The following CYP11B1 variants were observed in gnomAD, a reference collection of about 807,000 sequenced individuals.
CYP11B1 encodes the protein cytochrome P450 family 11 subfamily B member 1, also known as cytochrome P450 11B1, mitochondrial.
CYP11B1 carries 34 observed loss-of-function variants against 48.3 expected under a neutral mutation model. That is an observed-to-expected ratio of 0.70 (90% CI 0.54 to 0.94). The LOEUF (loss-of-function observed/expected upper bound fraction) is 0.94, where lower values mean the gene tolerates loss of function less well. Ranked by LOEUF, CYP11B1 falls within the 40% of genes least tolerant of loss-of-function variation. The pLI is 0.00. For missense variants in CYP11B1, 688 were observed against 657.4 expected (o/e 1.05, Z -0.51); for synonymous variants, 291 against 262.5 (o/e 1.11, Z -1.05).
At chr8:142,877,920 A>G (rs76968864) in intron 2 of CYP11B1, 45 of 1,104,128 alleles carry the variant, frequency 4.1e-5, no homozygotes, top group Middle Eastern at 2.0e-4. Flanking sequence ...ACATGCTCAC[A>G]TGCGCCCATG....
chr8:142,875,387 G>T, intron 6 of CYP11B1, 75 bp from the exon 7 acceptor site: 1 of 1,463,170 alleles, frequency 6.8e-7, no homozygotes, highest in Non-Finnish European at 9.3e-7. Flanking sequence ...CCTTCCTACC[G>T]AAGAACCCGC....
chr8:142,876,092 C>G, intron 5 of CYP11B1, 149 bp downstream of exon 5: 1 of 1,250,900 alleles, frequency 8.0e-7, no homozygotes, highest in Non-Finnish European at 1.1e-6. Context: ...AACCTGCAAA[C>G]GTGTTTATCA....
rs377587479 is a variant in CYP11B1 at position 142,874,771 on chromosome 8, C to T, written c.1398+186G>A. Reference sequence around the variant, plus strand: ...CTCACCCAGATGGTACGCTCCTCACCATACCAACTCCTGCCCAGGACCTAC... The same window carrying T: ...CTCACCCAGATGGTACGCTCCTCACTATACCAACTCCTGCCCAGGACCTAC... On this transcript the variant is annotated intron_variant, in intron 8 of 8. Transcript: ENST00000292427. Among the ~76,000 whole-genome samples, 283 of 152,218 alleles carry T rather than the reference C, an allele frequency of 1.9e-3. 4 individuals are homozygous for T. The highest frequency in any genetic ancestry group is 0.014 in the South Asian group (69 of 4,814).
rs766269279 is a variant in CYP11B1, at chr8:142,874,492, A to G, written c.1399-6T>C. The G allele has an allele frequency of 6.2e-7, 1 of 1,601,172 alleles. No homozygotes were observed. Among genetic ancestry groups the G allele is most frequent in the East Asian group, 2.2e-5 (1 of 44,802 alleles). ...ACCTGGAGGTGTTTCAGCACCTAGG[A>G]CAGAAGCCGGGTTTCCATCTGGCTT... On this transcript the variant is annotated splice_polypyrimidine_tract_variant and splice_region_variant and intron_variant, in intron 8 of 8. Coordinates refer to ENST00000292427, the MANE Select transcript of CYP11B1 (RefSeq NM_000497.4).
rs1586555679 is a variant in CYP11B1, at chr8:142,873,430, G to T, written c.*943C>A. ...TAGGAGCAGATGAGGCCCAAGGCAG[G>T]TTCACGCAGGAAACTGCAGCCTCCC... is the stretch of plus-strand genomic sequence containing the variant. On this transcript the variant is annotated 3_prime_UTR_variant, in exon 9 of 9. Coordinates refer to ENST00000292427, the MANE Select transcript of CYP11B1 (RefSeq NM_000497.4). The T allele has an allele frequency of 6.6e-6, 1 of 152,262 alleles. No homozygotes were observed. Among genetic ancestry groups the T allele is most frequent in the Non-Finnish European group, 1.5e-5 (1 of 68,084 alleles). 9.4% of individuals were successfully genotyped at this position (152,262 alleles called of 1,614,324 possible). A position where few individuals can be genotyped will look rare whatever the true frequency, so the allele number is the denominator to read the frequency against.
At chr8:142,877,482 C>T (rs1379799991) in intron 2 of CYP11B1, among the ~76,000 whole-genome samples, 2 of 152,210 alleles carry the variant, frequency 1.3e-5, no homozygotes, top group East Asian at 1.9e-4. Flanking sequence ...TGAGGTCATT[C>T]CCGGGACCTG....
At chr8:142,874,912 TGCCCAGACCCC>T (rs763645256) in intron 8 of CYP11B1, 34 bp downstream of exon 8, 1 of 1,607,610 alleles carries the variant, frequency 6.2e-7, no homozygotes, top group East Asian at 2.2e-5. Context: ...CCGCCCATGC[TGCCCAGACCCC>T]GCCCAGGCCC....
At chr8:142,874,931 C>G in intron 8 of CYP11B1, 26 bp downstream of exon 8, 1 of 1,611,262 alleles carries the variant, frequency 6.2e-7, no homozygotes, top group Middle Eastern at 2.1e-4. Flanking sequence ...CCCGCCCAGG[C>G]CCCTCCCCAG....
chr8:142,877,496 C>A (rs1370002803), intron 2 of CYP11B1, among the ~76,000 whole-genome samples: 14 of 152,220 alleles, frequency 9.2e-5, no homozygotes, highest in Admixed American at 2.0e-4. Flanking sequence ...GGACCTGGCA[C>A]CCCAAGTCTG....
intron 6 of CYP11B1, 53 bp downstream of exon 6, chr8:142,875,659 G>T: frequency 6.2e-7 from 1 of 1,601,342 alleles, no homozygotes; most frequent in Non-Finnish European, 8.5e-7. Context: ...CCCAGTGGGG[G>T]CTGCTCTCCA....
chr8:142,878,495 A>C (rs1586560826), intron 2 of CYP11B1, among the ~76,000 whole-genome samples: 1 of 152,038 alleles, frequency 6.6e-6, no homozygotes, highest in Non-Finnish European at 1.5e-5. Flanking sequence ...CAACCGCCCC[A>C]CCTCGTGCCT....
At chr8:142,878,121 C>G (rs1411045482) in intron 2 of CYP11B1, among the ~76,000 whole-genome samples, 3 of 152,192 alleles carry the variant, frequency 2.0e-5, no homozygotes, top group Admixed American at 6.5e-5. Flanking sequence ...AAACACACAG[C>G]ATGTGCACAG....
chr8:142,873,969 C>G lies in CYP11B1; in HGVS notation c.*404G>C, dbSNP rs781360039. 9 of 311,522 alleles carry G rather than the reference C, an allele frequency of 2.9e-5. No individual in the cohort carries two copies. The highest frequency in any genetic ancestry group is 5.0e-5 in the Non-Finnish European group (8 of 158,532). The allele number at this position is 311,522 out of a possible 1,614,324, so 19.3% of individuals were successfully genotyped here. A position where few individuals can be genotyped will look rare whatever the true frequency, so the allele number is the denominator to read the frequency against. On this transcript the variant is annotated 3_prime_UTR_variant, in exon 9 of 9. Coordinates refer to ENST00000292427, the MANE Select transcript of CYP11B1 (RefSeq NM_000497.4). ...GATCCCGCTTAATGACTCTGACAGT[C>G]TGCGCAGGGGCCCTGGCCAGGGGAA...
rs1816826312 is a variant in CYP11B1, at chr8:142,872,477, T to C, written c.*1896A>G. On this transcript the variant is annotated 3_prime_UTR_variant, in exon 9 of 9. Transcript: ENST00000292427. ...GGAATGGGAATGTTTATCCTATGCC[T>C]CTCCAACCACTGTATTTTGGAAGCA... The C allele has an allele frequency of 6.6e-6, 1 of 152,184 alleles. No individual in the cohort carries two copies. The highest frequency in any genetic ancestry group is 2.1e-4 in the South Asian group (1 of 4,828). The allele number at this position is 152,184 out of a possible 1,614,324, so 9.4% of individuals were successfully genotyped here.
At chr8:142,877,438 G>A (rs1206717703) in intron 2 of CYP11B1, among the ~76,000 whole-genome samples, 2 of 151,952 alleles carry the variant, frequency 1.3e-5, no homozygotes, top group Admixed American at 1.3e-4. Flanking sequence ...GGGATGAGAT[G>A]GTAGCTTCTG....
At chr8:142,876,577 C>T (rs532425611) in intron 4 of CYP11B1, 105 bp downstream of exon 4, 43 of 1,551,836 alleles carry the variant, frequency 2.8e-5, no homozygotes, top group African/African-American at 2.3e-4. Flanking sequence ...GAGGAATCCC[C>T]GACCCCTCCC....
rs104894070 is a variant in CYP11B1 at position 142,879,146 on chromosome 8, G to A, written c.281C>T (p.Pro94Leu). Reference sequence around the variant, plus strand: ...CTGTTGCAGCTTCTCCACGTCCTCCGGCAGCATCACACACACCATGCCTGC... The same window carrying A: ...CTGTTGCAGCTTCTCCACGTCCTCCAGCAGCATCACACACACCATGCCTGC... ...GGAGMVCVML[P>L]EDVEKLQQVD... is the part of the protein sequence containing the mutation. The change falls in exon 2 of 9, where the codon CCG becomes CTG. Residue 94 changes from proline to leucine, a missense_variant. Coordinates refer to ENST00000292427, the MANE Select transcript of CYP11B1 (RefSeq NM_000497.4). 10 of 1,613,820 alleles carry A rather than the reference G, an allele frequency of 6.2e-6. No homozygotes were observed. The highest frequency in any genetic ancestry group is 2.2e-5 in the East Asian group (1 of 44,846).
chr8:142,872,771 G>A lies in CYP11B1; in HGVS notation c.*1602C>T, dbSNP rs1345854959. 2 of 152,196 alleles carry A rather than the reference G, an allele frequency of 1.3e-5. No individual in the cohort carries two copies. Among genetic ancestry groups the A allele is most frequent in the African/African-American group, 2.4e-5 (1 of 41,454 alleles). The allele number at this position is 152,196 out of a possible 1,614,324, so 9.4% of individuals were successfully genotyped here. ...TGTCCGCCTCCAGAATTCATAGGCT[G>A]AAATCTAGTCACCAAGGTGACGATA... On this transcript the variant is annotated 3_prime_UTR_variant, in exon 9 of 9. Transcript: ENST00000292427.
chr8:142,876,357 A>T lies in CYP11B1; in HGVS notation c.838T>A (p.Phe280Ile). The change falls in exon 5 of 9, where the codon TTC becomes ATC. Residue 280 changes from phenylalanine (F) to isoleucine (I), a missense_variant. By Grantham distance (21) the Phe-to-Ile change is conservative. Coordinates refer to ENST00000292427, the MANE Select transcript of CYP11B1 (RefSeq NM_000497.4). The stretch of plus-strand genomic sequence containing the variant: ...CTGGTGTACTGTTGAGGGCGGCTGA[A>T]GGCCAGTTCCTGATAGATTTTCTGG... ...CIQKIYQELA[F>I]SRPQQYTSIV... The T allele has an allele frequency of 6.2e-7, 1 of 1,614,202 alleles. No homozygotes were observed. The highest frequency in any genetic ancestry group is 8.5e-7 in the Non-Finnish European group (1 of 1,180,016).
Sources: allele counts gnomAD v4.1 joint callset (sites outside exome capture counted in the v4.1 genomes callset), GRCh38; gene constraint gnomAD v4.1.1; transcripts MANE v1.5; gene names NCBI Gene and HGNC (gene_info 2026-07-23, HGNC 2026-07-21).